DERA: variants seen among roughly 807,000 people sequenced by gnomAD.
DERA encodes the protein deoxyribose-phosphate aldolase, also known as 2-deoxy-D-ribose 5-phosphate aldolase.
In DERA, 15 loss-of-function variants were observed where a neutral mutation model predicts 41.1. That is an observed-to-expected ratio of 0.37 (90% CI 0.24 to 0.56). DERA has a LOEUF of 0.56. Among genes scored for constraint, DERA ranks in the 20% least tolerant of loss-of-function variants. DERA has a pLI of 0.81. For missense variants in DERA, 396 were observed against 403.4 expected, an observed-to-expected ratio of 0.98 and a Z score of 0.16; for synonymous variants, 139 against 137.4, an observed-to-expected ratio of 1.01 and a Z score of -0.08.
chr12:15,962,968 A>G lies in DERA; in HGVS notation c.508+21A>G, dbSNP rs184071686. On this transcript the variant is annotated intron_variant, in intron 5 of 8. Transcript: ENST00000428559. ...GGAAGGTAGGTGCATGCTTTTACCT[A>G]AGAGAGTTTCACCATTCTTCCCTGG... is the stretch of plus-strand genomic sequence containing the variant. 4.3e-4 allele frequency: 687 copies of G among 1,599,182 alleles called. 3 individuals carry two copies. The highest frequency in any genetic ancestry group is 9.5e-4 in the South Asian group (83 of 87,636).
chr12:16,036,799 T>G lies in DERA; in HGVS notation c.*53T>G, dbSNP rs1478776092. On this transcript the variant is annotated 3_prime_UTR_variant, in exon 9 of 9. Coordinates refer to ENST00000428559, the MANE Select transcript of DERA (RefSeq NM_015954.4). This position sits in a 1 kb window ranked among gnomAD's most constrained non-coding sequence, Gnocchi z 4.9. ...TTACGACAATGTTTAAAAATTATTT[T>G]TCTACGTAATTGCTAAAATTATTTA... 3 of 1,302,298 alleles carry G rather than the reference T, an allele frequency of 2.3e-6. No homozygotes were observed. Among genetic ancestry groups the G allele is most frequent in the Non-Finnish European group, 2.2e-6 (2 of 927,204 alleles). The allele number at this position is 1,302,298 out of a possible 1,614,324, so 80.7% of individuals were successfully genotyped here.
rs1361280322 is a variant in DERA at position 15,924,361 on chromosome 12, A to T, written c.31+12947A>T. ...GTTACAGTGATGATCATACTGCTGT[A>T]CTGTAGCCTGGGTGACAGAGCAATA... On this transcript the variant is annotated intron_variant, in intron 1 of 8. Coordinates refer to ENST00000428559, the MANE Select transcript of DERA (RefSeq NM_015954.4). This position sits in a 1 kb window ranked among gnomAD's most constrained non-coding sequence, Gnocchi z 5.0. 1.3e-5 allele frequency among the ~76,000 whole-genome samples: 2 copies of T among 152,220 alleles called. No homozygotes were observed. The highest frequency in any genetic ancestry group is 2.9e-5 in the Non-Finnish European group (2 of 68,042).
intron 3 of DERA, 128 bp downstream of exon 3, chr12:15,958,463 G>A: frequency 2.1e-6 from 1 of 467,562 alleles, no homozygotes; most frequent in East Asian, 5.4e-5. Flanking sequence ...CTCTTGCTGT[G>A]TATACATAGA....
chr12:15,981,983 T>G lies in DERA; in HGVS notation c.509-325T>G, dbSNP rs74652918. On this transcript the variant is annotated intron_variant, in intron 5 of 8. Transcript: ENST00000428559. This position sits in a 1 kb window ranked among gnomAD's most constrained non-coding sequence, Gnocchi z 6.1. ...ACTGTATGTATGGTAGCTACATTTGTTTTTTGTTGGAAGCAACCATCATAT... is the reference window on the plus strand; with the variant it reads ...ACTGTATGTATGGTAGCTACATTTGGTTTTTGTTGGAAGCAACCATCATAT... 0.018 allele frequency among the ~76,000 whole-genome samples: 2,716 copies of G among 152,262 alleles called. 86 individuals are homozygous for G. The highest frequency in any genetic ancestry group is 0.063 in the African/African-American group (2,597 of 41,518).
Position 15,936,931 on chromosome 12 carries a change from CTGTCT to C in DERA, c.32-20000_32-19996del, listed in dbSNP as rs1303314603. ...CTGTCCTGTCCTGTCCTGTCCTGTC[CTGTCT>C]TGTCCTGTCCCGTCCTGTCCTGCCC... is the stretch of plus-strand genomic sequence containing the variant. On this transcript the variant is annotated intron_variant, in intron 1 of 8. Transcript: ENST00000428559. The surrounding 1 kb of genome is among the most constrained non-coding windows in gnomAD (Gnocchi z 4.6). Among the ~76,000 whole-genome samples the C allele has an allele frequency of 1.1e-3, 145 of 133,370 alleles. No individual in the cohort carries two copies. Among genetic ancestry groups the C allele is most frequent in the African/African-American group, 4.2e-3 (138 of 32,520 alleles). The allele number at this position is 133,370 out of a possible 152,430, so 87.5% of individuals were successfully genotyped here.
At chr12:15,917,656 G>A (rs977166082) in intron 1 of DERA, among the ~76,000 whole-genome samples, 2 of 152,186 alleles carry the variant, frequency 1.3e-5, no homozygotes, top group Non-Finnish European at 2.9e-5. Flanking sequence ...CTGATTACAA[G>A]TTTTTTACCC....
intron 6 of DERA, among the ~76,000 whole-genome samples, chr12:16,007,116 C>G (rs1948915827): frequency 6.6e-6 from 1 of 150,950 alleles, no homozygotes; most frequent in Non-Finnish European, 1.5e-5. Context: ...GCCATAGAGT[C>G]ATTGTAAAAC....
At position 16,036,793 on chromosome 12, in the gene DERA, T is replaced by A; in HGVS notation, c.*47T>A. Reference sequence around the variant, plus strand: ...AGTTCTTTACGACAATGTTTAAAAATTATTTTTCTACGTAATTGCTAAAAT... The same window carrying A: ...AGTTCTTTACGACAATGTTTAAAAAATATTTTTCTACGTAATTGCTAAAAT... On this transcript the variant is annotated 3_prime_UTR_variant, in exon 9 of 9. Coordinates refer to ENST00000428559, the MANE Select transcript of DERA (RefSeq NM_015954.4). This position sits in a 1 kb window ranked among gnomAD's most constrained non-coding sequence, Gnocchi z 4.9. The A allele has an allele frequency of 7.2e-7, 1 of 1,394,610 alleles. No individual in the cohort carries two copies. Among genetic ancestry groups the A allele is most frequent in the South Asian group, 1.3e-5 (1 of 78,260 alleles). 86.4% of individuals were successfully genotyped at this position (1,394,610 alleles called of 1,614,324 possible). A position where few individuals can be genotyped will look rare whatever the true frequency, so the allele number is the denominator to read the frequency against.
chr12:15,943,688 CT>C lies in DERA; in HGVS notation c.32-13242del. Among the ~76,000 whole-genome samples the C allele has an allele frequency of 6.8e-6, 1 of 147,178 alleles. No individual in the cohort carries two copies. The highest frequency in any genetic ancestry group is 2.0e-4 in the East Asian group (1 of 5,092). ...TGACATTTTCTATTTTCTGTTTCTT[CT>C]TTTTTATTTTTTAATTTTTATTTAT... On this transcript the variant is annotated intron_variant, in intron 1 of 8. Transcript: ENST00000428559. This position sits in a 1 kb window ranked among gnomAD's most constrained non-coding sequence, Gnocchi z 4.5.
intron 1 of DERA, among the ~76,000 whole-genome samples, chr12:15,914,937 G>A (rs976002048): frequency 1.2e-4 from 18 of 152,136 alleles, no homozygotes; most frequent in Non-Finnish European, 1.8e-4. Flanking sequence ...CACCAAGCCC[G>A]GCTAATATTT....
chr12:15,917,650 T>A (rs1468035693), intron 1 of DERA, among the ~76,000 whole-genome samples: 1 of 152,200 alleles, frequency 6.6e-6, no homozygotes, highest in Admixed American at 6.5e-5. Context: ...GAACTTCTGA[T>A]TACAAGTTTT....
rs1343403589 is a variant in DERA at position 15,938,509 on chromosome 12, CTA to C, written c.32-18425_32-18424del. On this transcript the variant is annotated intron_variant, in intron 1 of 8. Transcript: ENST00000428559. This position sits in a 1 kb window ranked among gnomAD's most constrained non-coding sequence, Gnocchi z 4.1. ...TAATAAGCTTCTTAGCTGTATCAAT[CTA>C]TGTGTCTAAGTTGCATTTTGTGTTT... Among the ~76,000 whole-genome samples, 4 of 152,248 alleles carry C rather than the reference CTA, an allele frequency of 2.6e-5. No individual in the cohort carries two copies. The highest frequency in any genetic ancestry group is 6.5e-5 in the Admixed American group (1 of 15,288).
chr12:15,920,293 A>G (rs1948233255), intron 1 of DERA, among the ~76,000 whole-genome samples: 1 of 152,012 alleles, frequency 6.6e-6, no homozygotes, highest in Admixed American at 6.6e-5. Context: ...TATCAGTCCA[A>G]CCCCCTTCTG....
chr12:15,965,706 C>A lies in DERA; in HGVS notation c.508+2759C>A, dbSNP rs1948617672. ...CACTTTCCTGAAATTTCTAACTTTT[C>A]CACCCTCCTTGAAGCTCCTTCACTG... is the stretch of plus-strand genomic sequence containing the variant. On this transcript the variant is annotated intron_variant, in intron 5 of 8. Transcript: ENST00000428559. This position sits in a 1 kb window ranked among gnomAD's most constrained non-coding sequence, Gnocchi z 4.1. Among the ~76,000 whole-genome samples, 2 of 152,154 alleles carry A rather than the reference C, an allele frequency of 1.3e-5. No individual in the cohort carries two copies. The highest frequency in any genetic ancestry group is 4.1e-4 in the South Asian group (2 of 4,828).
At position 16,010,912 on chromosome 12, in the gene DERA, G is replaced by A. The variant is rs571965472; in HGVS notation, c.638-21630G>A. Among the ~76,000 whole-genome samples the A allele has an allele frequency of 4.1e-4, 61 of 147,008 alleles. No homozygotes were observed. In the South Asian group the frequency reaches 7.0e-3, roughly 17 times the overall value. The stretch of plus-strand genomic sequence containing the variant: ...CTTATCATCAATTGTTGAAAAAAAA[G>A]ATTTATGATGACATTGAGGTATGAT... On this transcript the variant is annotated intron_variant, in intron 6 of 8. Transcript: ENST00000428559. This position sits in a 1 kb window ranked among gnomAD's most constrained non-coding sequence, Gnocchi z 5.5.
chr12:16,032,763 C>T lies in DERA; in HGVS notation c.750+109C>T, dbSNP rs950302200. On this transcript the variant is annotated intron_variant, in intron 7 of 8. Coordinates refer to ENST00000428559, the MANE Select transcript of DERA (RefSeq NM_015954.4). ...TATGGAGAAGTTGTGAATGAATTAC[C>T]TTTATTAAGATAAATGTTTAATTTA... 3.7e-5 allele frequency: 26 copies of T among 711,626 alleles called. No individual in the cohort carries two copies. In the African/African-American group the frequency reaches 4.2e-4, roughly 11 times the overall value. 44.1% of individuals were successfully genotyped at this position (711,626 alleles called of 1,614,324 possible).
chr12:15,956,933 T>G lies in DERA; in HGVS notation c.32-3T>G. 6.2e-7 allele frequency: 1 copy of G among 1,612,398 alleles called. No individual in the cohort carries two copies. Among genetic ancestry groups the G allele is most frequent in the Non-Finnish European group, 8.5e-7 (1 of 1,178,380 alleles). ...TCAGAAAGTGTTTTTCTGTCTGTTT[T>G]AGACCTTAGCTGGATCTCCAAAATA... is the stretch of plus-strand genomic sequence containing the variant. On this transcript the variant is annotated splice_polypyrimidine_tract_variant and splice_region_variant and intron_variant, in intron 1 of 8. Coordinates refer to ENST00000428559, the MANE Select transcript of DERA (RefSeq NM_015954.4).
chr12:15,966,365 G>A lies in DERA; in HGVS notation c.508+3418G>A, dbSNP rs1948623007. 6.6e-6 allele frequency among the ~76,000 whole-genome samples: 1 copy of A among 152,108 alleles called. No individual in the cohort carries two copies. Among genetic ancestry groups the A allele is most frequent in the Non-Finnish European group, 1.5e-5 (1 of 68,018 alleles). The stretch of plus-strand genomic sequence containing the variant: ...TGTAATCCCAGCTACTCTGGAGGCT[G>A]AGGTGAGCGAATTGCTTGAACCTGG... On this transcript the variant is annotated intron_variant, in intron 5 of 8. Transcript: ENST00000428559. The surrounding 1 kb of genome is among the most constrained non-coding windows in gnomAD (Gnocchi z 5.1).
Position 15,961,297 on chromosome 12 carries a change from G to C in DERA, c.373+1373G>C, listed in dbSNP as rs191586814. ...ACATTAGTTTGGTAAATGTGTATCT[G>C]TGTGTATATGGATGGATGAATAGAC... On this transcript the variant is annotated intron_variant, in intron 4 of 8. Transcript: ENST00000428559. Among the ~76,000 whole-genome samples the C allele has an allele frequency of 2.3e-4, 35 of 152,324 alleles. 1 individual carries two copies. In the East Asian group the frequency reaches 6.0e-3, roughly 26 times the overall value.
Sources: gnomAD v4.1 joint callset for allele counts (sites outside exome capture counted in the v4.1 genomes callset) on GRCh38, gnomAD v4.1.1 for gene constraint, Gnocchi (gnomAD v3.1) non-coding constraint, MANE v1.5 for transcripts, NCBI Gene and HGNC (gene_info 2026-07-23, HGNC 2026-07-21) for gene names.